Variants in CHD1L observed in about 807,000 individuals in gnomAD.
CHD1L encodes ATP-dependent chromatin remodeler CHD1L.
CHD1L carries 118 observed loss-of-function variants against 115.9 expected under a neutral mutation model. That is an observed-to-expected ratio of 1.02 (90% confidence interval 0.88 to 1.19). The LOEUF is 1.19. Ranked by LOEUF, CHD1L falls within the 50% of genes most tolerant of loss-of-function variation. The pLI, the probability that CHD1L is intolerant of heterozygous loss-of-function variation, is 0.00. For missense variants in CHD1L, 1,179 were observed against 1,065.3 expected (o/e 1.11, Z -1.49); for synonymous variants, 411 against 387.1 (o/e 1.06, Z -0.72).
chr1:147,224,159 C>G, the CHD1L span: 1 of 287,344 alleles, frequency 3.5e-6, no homozygotes, highest in Non-Finnish European at 6.9e-6. Context: ...CACGACGTTG[C>G]CTTCACACAG....
the CHD1L span, chr1:147,208,824 T>C: frequency 5.0e-6 from 8 of 1,590,904 alleles, no homozygotes; most frequent in Non-Finnish European, 6.9e-6. Context: ...TTGGCCACTA[T>C]CCCTGCACTC....
At chr1:147,295,214 T>C (rs1687090168) in intron 22 of CHD1L, among the ~76,000 whole-genome samples, 1 of 152,242 alleles carries the variant, frequency 6.6e-6, no homozygotes, top group South Asian at 2.1e-4. Flanking sequence ...AGCCAGCTTT[T>C]ATGTGCTTGC....
chr1:147,181,223 C>T, the CHD1L span, among the ~76,000 whole-genome samples: 2 of 152,178 alleles, frequency 1.3e-5, no homozygotes, highest in Non-Finnish European at 2.9e-5. Flanking sequence ...AAGTTTGGCC[C>T]ATGGGTGGGA....
the CHD1L span, among the ~76,000 whole-genome samples, chr1:147,209,463 A>G: frequency 6.9e-6 from 1 of 144,590 alleles, no homozygotes; most frequent in East Asian, 2.0e-4. Flanking sequence ...AAGAGTTCAA[A>G]CTCATTAGTC....
the CHD1L span, among the ~76,000 whole-genome samples, chr1:147,230,673 G>A: frequency 3.5e-5 from 5 of 144,378 alleles, no homozygotes; most frequent in Non-Finnish European, 6.0e-5. Flanking sequence ...ATTAATTATT[G>A]CCTCAATTTC....
the CHD1L span, chr1:147,215,620 G>GT: frequency 1.6e-6 from 1 of 614,278 alleles, no homozygotes; most frequent in Non-Finnish European, 2.8e-6. Context: ...AAAGAATGGA[G>GT]TTTTTGCCTG....
At chr1:147,289,045 A>C (rs1553968328) in intron 19 of CHD1L, among the ~76,000 whole-genome samples, 25 of 152,172 alleles carry the variant, frequency 1.6e-4, no homozygotes. Context: ...TATGGTGGAA[A>C]GGGATATAAG....
At chr1:147,260,300 G>T in intron 6 of CHD1L, 1 of 155,814 alleles carries the variant, frequency 6.4e-6, no homozygotes, top group Non-Finnish European at 1.4e-5. Context: ...AAAATCCTAT[G>T]TGCTCCACAT....
the CHD1L span, chr1:147,186,879 AG>A: frequency 6.9e-6 from 11 of 1,590,490 alleles, no homozygotes; most frequent in Admixed American, 1.2e-4. Context: ...AATGAAAAAC[AG>A]GGCAGTGACA....
the CHD1L span, among the ~76,000 whole-genome samples, chr1:147,228,438 T>C: frequency 6.6e-6 from 1 of 152,230 alleles, no homozygotes; most frequent in Admixed American, 6.5e-5. Flanking sequence ...GTTTCAAGTC[T>C]TTGCTACTGT....
chr1:147,227,645 G>C, the CHD1L span, among the ~76,000 whole-genome samples: 1 of 152,152 alleles, frequency 6.6e-6, no homozygotes, highest in African/African-American at 2.4e-5. Flanking sequence ...ACTCAACTCA[G>C]TTACTCATGC....
At chr1:147,283,978 T>A (rs2102884517) in intron 15 of CHD1L, among the ~76,000 whole-genome samples, 1 of 152,326 alleles carries the variant, frequency 6.6e-6, no homozygotes, top group South Asian at 2.1e-4. Flanking sequence ...ATTAAAAGTG[T>A]GTTTGGAATA....
intron 22 of CHD1L, 42 bp downstream of exon 22, chr1:147,294,559 G>C (rs1396015985): frequency 7.5e-6 from 11 of 1,474,972 alleles, no homozygotes; most frequent in Non-Finnish European, 1.0e-5. Flanking sequence ...CCCAACCCAA[G>C]AGGGAAAATG....
chr1:147,226,107 C>CTTTT, the CHD1L span, among the ~76,000 whole-genome samples: 225 of 147,868 alleles, frequency 1.5e-3, no homozygotes, highest in Middle Eastern at 3.6e-3. Flanking sequence ...ATTTATCTTA[C>CTTTT]TTTTTTTTTT....
chr1:147,244,865 C>T (rs12021645), intron 1 of CHD1L, among the ~76,000 whole-genome samples: 23,723 of 151,834 alleles, frequency 0.16, 2,554 homozygotes, highest in East Asian at 0.44. Context: ...TAGGTATGGA[C>T]GTTTAATTCC....
chr1:147,266,523 T>G (rs1571863917), intron 8 of CHD1L, among the ~76,000 whole-genome samples: 1 of 152,244 alleles, frequency 6.6e-6, no homozygotes, highest in Non-Finnish European at 1.5e-5. Flanking sequence ...AGTAGCATGA[T>G]GAAATCTCAC....
chr1:147,175,451 G>A, the CHD1L span: 1 of 152,130 alleles, frequency 6.6e-6, no homozygotes, highest in Admixed American at 6.5e-5. Flanking sequence ...ACGTGTCAAG[G>A]GAGGGAAGTG....
At chr1:147,177,760 G>C in the CHD1L span, among the ~76,000 whole-genome samples, 1 of 152,138 alleles carries the variant, frequency 6.6e-6, no homozygotes, top group Non-Finnish European at 1.5e-5. Flanking sequence ...GAAAGTATAA[G>C]AAACTGTCAC....
chr1:147,205,070 A>C, the CHD1L span: 3 of 622,810 alleles, frequency 4.8e-6, no homozygotes, highest in East Asian at 5.5e-5. Context: ...ACCAGACTAC[A>C]TGCAAGTCCT....
Sources: allele counts gnomAD v4.1 joint callset (sites outside exome capture counted in the v4.1 genomes callset), GRCh38; gene constraint gnomAD v4.1.1; transcripts MANE v1.5; gene names NCBI Gene and HGNC (gene_info 2026-07-23, HGNC 2026-07-21).